Variants in ARFGEF3 observed in about 807,000 individuals in gnomAD.
ARFGEF3 encodes the protein ARFGEF family member 3, also known as brefeldin A-inhibited guanine nucleotide-exchange protein 3.
ARFGEF3 carries 96 observed loss-of-function variants against 221.7 expected under a neutral mutation model. That is an observed-to-expected ratio of 0.43 (90% CI 0.37 to 0.51). The LOEUF is 0.51. Ranked by LOEUF, ARFGEF3 falls within the 20% of genes least tolerant of loss-of-function variation. ARFGEF3 has a pLI of 0.00. For missense variants in ARFGEF3, 2,410 were observed against 2,789.9 expected (o/e 0.86, Z 3.07); for synonymous variants, 1,145 against 1,126.8 (o/e 1.02, Z -0.32).
intron 18 of ARFGEF3, among the ~76,000 whole-genome samples, chr6:138,290,446 C>G (rs1216359588): frequency 2.6e-5 from 4 of 151,864 alleles, no homozygotes; most frequent in African/African-American, 4.8e-5. Flanking sequence ...CAAAACAAAA[C>G]AAAAAATCGT....
chr6:138,281,149 A>G (rs1267212086), intron 14 of ARFGEF3, among the ~76,000 whole-genome samples: 1 of 152,170 alleles, frequency 6.6e-6, no homozygotes, highest in Non-Finnish European at 1.5e-5. Context: ...GTAAAGGATC[A>G]GTAACAAGGG....
intron 1 of ARFGEF3, among the ~76,000 whole-genome samples, chr6:138,164,185 G>A (rs569330062): frequency 4.6e-5 from 7 of 152,100 alleles, no homozygotes; most frequent in South Asian, 2.1e-4. Flanking sequence ...TCCACTGCCC[G>A]TCACTGTTTA....
At chr6:138,239,893 T>C (rs1045128943) in intron 6 of ARFGEF3, among the ~76,000 whole-genome samples, 1 of 152,102 alleles carries the variant, frequency 6.6e-6, no homozygotes, top group African/African-American at 2.4e-5. Context: ...GAAATCGAAA[T>C]CTAAAATGAA....
At chr6:138,251,182 A>G (rs1278607808) in intron 8 of ARFGEF3, among the ~76,000 whole-genome samples, 1 of 152,176 alleles carries the variant, frequency 6.6e-6, no homozygotes, top group Non-Finnish European at 1.5e-5. Context: ...AGTATTCACC[A>G]TGGCACACTT....
intron 29 of ARFGEF3, among the ~76,000 whole-genome samples, chr6:138,321,921 C>T (rs1780035248): frequency 6.6e-6 from 1 of 152,160 alleles, no homozygotes; most frequent in Non-Finnish European, 1.5e-5. Flanking sequence ...CTGGGGAGGC[C>T]TCACAATCAT....
intron 2 of ARFGEF3, among the ~76,000 whole-genome samples, chr6:138,183,123 C>A (rs1777114018): frequency 6.6e-6 from 1 of 152,088 alleles, no homozygotes; most frequent in Non-Finnish European, 1.5e-5. Flanking sequence ...TCCAGCTGTG[C>A]TTGGGGGTTG....
chr6:138,228,113 G>C (rs1331829231), intron 4 of ARFGEF3, among the ~76,000 whole-genome samples: 1 of 151,578 alleles, frequency 6.6e-6, no homozygotes, highest in Non-Finnish European at 1.5e-5. Flanking sequence ...TATTTCCCAT[G>C]AGGCCAAGAG....
intron 12 of ARFGEF3, among the ~76,000 whole-genome samples, chr6:138,265,291 C>T (rs879703319): frequency 3.9e-5 from 6 of 152,122 alleles, no homozygotes; most frequent in Non-Finnish European, 7.4e-5. Flanking sequence ...TTCACATGAC[C>T]TAGAAAAGGA....
chr6:138,163,139 G>A (rs1562338909), intron 1 of ARFGEF3, among the ~76,000 whole-genome samples: 1 of 152,210 alleles, frequency 6.6e-6, no homozygotes, highest in African/African-American at 2.4e-5. Flanking sequence ...AGAGCCTTTA[G>A]CAGGTTTTCC....
rs1229882183 is a variant in ARFGEF3, at chr6:138,162,042, C to A, written c.-45C>A. ...CGGCTTCCCCGGCCCGGCTCGCCCGCGCTTCTCTCCCTGTGGGCGGCGGCC... is the reference window on the plus strand; with the variant it reads ...CGGCTTCCCCGGCCCGGCTCGCCCGAGCTTCTCTCCCTGTGGGCGGCGGCC... On this transcript the variant is annotated 5_prime_UTR_variant, in exon 1 of 34. Transcript: ENST00000251691. The surrounding 1 kb of genome is among the most constrained non-coding windows in gnomAD (Gnocchi z 4.7). 1.4e-6 allele frequency: 2 copies of A among 1,453,270 alleles called. No individual in the cohort carries two copies. The highest frequency in any genetic ancestry group is 9.3e-7 in the Non-Finnish European group (1 of 1,076,982). 90.0% of individuals were successfully genotyped at this position (1,453,270 alleles called of 1,614,324 possible).
In ARFGEF3 at chr6:138,263,085, C is replaced by T. The variant is rs1562371967; in HGVS notation, c.1602C>T (p.Asn534=). 2 of 1,613,826 alleles carry T rather than the reference C, an allele frequency of 1.2e-6. No homozygotes were observed. The highest frequency in any genetic ancestry group is 1.7e-6 in the Non-Finnish European group (2 of 1,179,828). ...AGGACCATTCGGGAAACCACAAGAA[C>T]AGTCTCAAGTCGCCAGCCATCCCAG... The part of the protein sequence containing the change: ...TPEDHSGNHK[N]SLKSPAIPEG... The change falls in exon 12 of 34, where the codon AAC becomes AAT. Residue 534 remains asparagine, a synonymous_variant. Transcript: ENST00000251691.
chr6:138,202,694 A>C (rs1255611434), intron 2 of ARFGEF3, among the ~76,000 whole-genome samples: 2 of 151,766 alleles, frequency 1.3e-5, no homozygotes, highest in Admixed American at 6.6e-5. Flanking sequence ...AAAAAAAAAA[A>C]AACCCTGTTT....
At chr6:138,336,264 G>A (rs1391819692) in intron 33 of ARFGEF3, 31 bp from the exon 34 acceptor site, 2 of 1,459,788 alleles carry the variant, frequency 1.4e-6, no homozygotes, top group South Asian at 1.5e-5. Context: ...AGGGGGGAAA[G>A]CCACTGATTT....
intron 32 of ARFGEF3, among the ~76,000 whole-genome samples, chr6:138,329,928 G>GAGAT (rs1340095996): frequency 6.6e-6 from 1 of 152,096 alleles, no homozygotes; most frequent in South Asian, 2.1e-4. Flanking sequence ...TCAGCGAAGG[G>GAGAT]AGATAGGGGT....
At chr6:138,283,038 G>A (rs892213848) in intron 14 of ARFGEF3, among the ~76,000 whole-genome samples, 9 of 151,792 alleles carry the variant, frequency 5.9e-5, no homozygotes, top group Non-Finnish European at 1.0e-4. Flanking sequence ...GCAACAGAGC[G>A]AGACTCTGTC....
intron 4 of ARFGEF3, chr6:138,218,059 A>G: frequency 6.2e-7 from 1 of 1,613,926 alleles, no homozygotes. Flanking sequence ...GTCTGAGTTA[A>G]CTGCAAAGTC....
intron 2 of ARFGEF3, among the ~76,000 whole-genome samples, chr6:138,184,923 A>G (rs1456745927): frequency 1.3e-5 from 2 of 152,214 alleles, no homozygotes; most frequent in African/African-American, 4.8e-5. Context: ...CAGAAAATAC[A>G]CAAGGGTATT....
At position 138,255,688 on chromosome 6, in the gene ARFGEF3, C is replaced by A. The variant is rs769604070; in HGVS notation, c.1023C>A (p.Pro341=). The A allele has an allele frequency of 1.2e-6, 2 of 1,613,050 alleles. No individual in the cohort carries two copies. The highest frequency in any genetic ancestry group is 1.7e-6 in the Non-Finnish European group (2 of 1,179,506). ...TGGGGTCTGTGGACTCCATGAAGCC[C>A]GTGCTCCAGTCCCTCTACCACCGAG... ...RLVGSVDSMK[P]VLQSLYHRVL... is the part of the protein sequence containing the mutation. Residue 341 remains proline (P), a synonymous_variant, in exon 10 of 34, where the codon CCC becomes CCA. Coordinates refer to ENST00000251691, the MANE Select transcript of ARFGEF3 (RefSeq NM_020340.5).
At chr6:138,165,254 C>T (rs72986835) in intron 1 of ARFGEF3, among the ~76,000 whole-genome samples, 11,059 of 150,982 alleles carry the variant, frequency 0.073, 416 homozygotes, top group Middle Eastern at 0.14. Context: ...GGGGATATCC[C>T]CCTCTGAGAC....
Sources: allele counts gnomAD v4.1 joint callset (sites outside exome capture counted in the v4.1 genomes callset), GRCh38; gene constraint gnomAD v4.1.1; non-coding constraint Gnocchi (gnomAD v3.1); transcripts MANE v1.5; gene names NCBI Gene and HGNC (gene_info 2026-07-23, HGNC 2026-07-21).